Variants in NANP observed in about 807,000 individuals in gnomAD.
NANP encodes N-acylneuraminate-9-phosphatase.
NANP carries 15 observed loss-of-function variants against 16.9 expected under a neutral mutation model. That is an observed-to-expected ratio of 0.89 (90% CI 0.59 to 1.37). NANP has a LOEUF of 1.37. Ranked by LOEUF, NANP falls within the 40% of genes most tolerant of loss-of-function variation. The probability of loss-of-function intolerance (pLI) is 0.00; values close to 1 mark genes in which losing one functional copy is unlikely to be tolerated. For missense variants in NANP, 290 were observed against 303.5 expected (o/e 0.96, Z 0.33); for synonymous variants, 135 against 112.6 (o/e 1.20, Z -1.26).
intron 1 of NANP, among the ~76,000 whole-genome samples, chr20:25,622,076 A>C (rs1436262448): frequency 1.3e-5 from 2 of 152,262 alleles, no homozygotes; most frequent in Non-Finnish European, 2.9e-5. Context: ...AGATGCATTA[A>C]GAAATATCTG....
Position 25,613,342 on chromosome 20 carries a change from G to A in NANP, c.*2583C>T, listed in dbSNP as rs1404936316. On this transcript the variant is annotated 3_prime_UTR_variant, in exon 2 of 2. Transcript: ENST00000304788. ...GGGTCCTGGGCACTCCCAGATCTGA[G>A]ATGTTCGTGCCTTGTATGTGGAGGT... is the stretch of plus-strand genomic sequence containing the variant. 1 of 152,526 alleles carries A rather than the reference G, an allele frequency of 6.6e-6. No homozygotes were observed. The highest frequency in any genetic ancestry group is 2.4e-5 in the African/African-American group (1 of 41,462). 9.4% of individuals were successfully genotyped at this position (152,526 alleles called of 1,614,324 possible).
chr20:25,623,882 C>A lies in NANP; in HGVS notation c.67G>T (p.Ala23Ser). 1 of 1,613,622 alleles carries A rather than the reference C, an allele frequency of 6.2e-7. No individual in the cohort carries two copies. The highest frequency in any genetic ancestry group is 8.5e-7 in the Non-Finnish European group (1 of 1,179,800). The change falls in exon 1 of 2, where the codon GCG becomes TCG. Residue 23 changes from alanine (A) to serine (S), a missense_variant. Ala to Ser is a moderately conservative substitution (Grantham distance 99). Coordinates refer to ENST00000304788, the MANE Select transcript of NANP (RefSeq NM_152667.3). Reference sequence around the variant, plus strand: ...ACCTCCAACATGCCTCTCCTGCTCGCCCCGGCCGTGTCGATGAGAGTGTTG... The same window carrying A: ...ACCTCCAACATGCCTCTCCTGCTCGACCCGGCCGTGTCGATGAGAGTGTTG... The part of the protein sequence containing the change: ...LDNTLIDTAG[A>S]SRRGMLEVIK...
chr20:25,613,137 T>C lies in NANP; in HGVS notation c.*2788A>G, dbSNP rs148569433. The C allele has an allele frequency of 6.6e-6, 1 of 151,790 alleles. No individual in the cohort carries two copies. Among genetic ancestry groups the C allele is most frequent in the African/African-American group, 2.4e-5 (1 of 41,372 alleles). 9.4% of individuals were successfully genotyped at this position (151,790 alleles called of 1,614,324 possible). On this transcript the variant is annotated 3_prime_UTR_variant, in exon 2 of 2. Coordinates refer to ENST00000304788, the MANE Select transcript of NANP (RefSeq NM_152667.3). ...TACTATAAAATGTTATATTTATATT[T>C]ATTTATATACATGTGTTATATTTAT...
rs1198018930 is a variant in NANP, at chr20:25,616,013, G to T, written c.659C>A (p.Ser220Tyr). The change falls in exon 2 of 2, where the codon TCC (serine) becomes TAC (tyrosine). Residue 220 changes from serine (S) to tyrosine (Y), a missense_variant. Ser to Tyr is a moderately radical substitution (Grantham distance 144, BLOSUM62 -2). Transcript: ENST00000304788. ...AGAAACCATGTAATGCGGAACTGGG[G>T]AGGACTTCAGTGGCACTATTCCATT... ...NKNGIVPLKS[S>Y]PVPHYMVSSV... The T allele has an allele frequency of 6.2e-7, 1 of 1,614,178 alleles. No homozygotes were observed. The highest frequency in any genetic ancestry group is 2.2e-5 in the East Asian group (1 of 44,894).
rs564436712 is a variant in NANP, at chr20:25,623,638, G to A, written c.90+221C>T. Among the ~76,000 whole-genome samples the A allele has an allele frequency of 3.1e-4, 47 of 152,308 alleles. No individual in the cohort carries two copies. In the South Asian group the frequency reaches 7.2e-3, roughly 23 times the overall value. The stretch of plus-strand genomic sequence containing the variant: ...AGGCACCTGCGAGCAGCCGCTCCAG[G>A]GCTCGAGATTGGGTGACAAGCGGCC... On this transcript the variant is annotated intron_variant, in intron 1 of 1. Transcript: ENST00000304788.
At chr20:25,619,770 C>T (rs1893491531) in intron 1 of NANP, among the ~76,000 whole-genome samples, 1 of 152,170 alleles carries the variant, frequency 6.6e-6, no homozygotes, top group South Asian at 2.1e-4. Context: ...CTCTAGGACT[C>T]CACAGAGCTT....
In NANP at chr20:25,623,958, C is replaced by A. The variant is rs756643403; in HGVS notation, c.-10G>T. The A allele has an allele frequency of 1.3e-5, 21 of 1,611,536 alleles. No homozygotes were observed. The highest frequency in any genetic ancestry group is 4.5e-5 in the East Asian group (2 of 44,812). On this transcript the variant is annotated 5_prime_UTR_variant, in exon 1 of 2. Transcript: ENST00000304788. The stretch of plus-strand genomic sequence containing the variant: ...CGCGGCTCAGCCCCATAGCGCCGGC[C>A]GCTGGCGCGAACCGTAGCCTTGCCA...
Position 25,614,055 on chromosome 20 carries a change from T to C in NANP, c.*1870A>G, listed in dbSNP as rs1568987356. On this transcript the variant is annotated 3_prime_UTR_variant, in exon 2 of 2. Transcript: ENST00000304788. ...CATTTGAAACTACAAACATCCTCTGTTCACAAATGTTCACTGTTATAGCAA... is the reference window on the plus strand; with the variant it reads ...CATTTGAAACTACAAACATCCTCTGCTCACAAATGTTCACTGTTATAGCAA... 2.6e-6 allele frequency: 1 copy of C among 386,454 alleles called. No homozygotes were observed. Among genetic ancestry groups the C allele is most frequent in the Non-Finnish European group, 4.6e-6 (1 of 218,810 alleles). The allele number at this position is 386,454 out of a possible 1,614,324, so 23.9% of individuals were successfully genotyped here.
At chr20:25,622,288 GGACA>G (rs1160772938) in intron 1 of NANP, among the ~76,000 whole-genome samples, 1 of 152,222 alleles carries the variant, frequency 6.6e-6, no homozygotes, top group East Asian at 1.9e-4. Context: ...GTGCAGTGGT[GGACA>G]GACAGCGTAC....
rs1415471238 is a variant in NANP, at chr20:25,614,323, A to G, written c.*1602T>C. On this transcript the variant is annotated 3_prime_UTR_variant, in exon 2 of 2. Coordinates refer to ENST00000304788, the MANE Select transcript of NANP (RefSeq NM_152667.3). ...TACTATTTTACATTAGTAGTTTCTT[A>G]TATAACAGTTGGAAGAAAAACATAT... 3.9e-5 allele frequency: 6 copies of G among 152,742 alleles called. No individual in the cohort carries two copies. The highest frequency in any genetic ancestry group is 1.4e-4 in the African/African-American group (6 of 41,492). The allele number at this position is 152,742 out of a possible 1,614,324, so 9.5% of individuals were successfully genotyped here.
chr20:25,623,183 G>A (rs1187170301), intron 1 of NANP, among the ~76,000 whole-genome samples: 7 of 152,204 alleles, frequency 4.6e-5, no homozygotes, highest in Non-Finnish European at 1.5e-5. Flanking sequence ...TGGAACACGG[G>A]AAGGTCTGAA....
Position 25,623,983 on chromosome 20 carries a change from A to G in NANP, c.-35T>C. On this transcript the variant is annotated 5_prime_UTR_variant, in exon 1 of 2. Transcript: ENST00000304788. ...CGCTGGCGCGAACCGTAGCCTTGCCACCGCCGCCTGCGCATGCGCAAGGCG... is the reference window on the plus strand; with the variant it reads ...CGCTGGCGCGAACCGTAGCCTTGCCGCCGCCGCCTGCGCATGCGCAAGGCG... 1.2e-6 allele frequency: 2 copies of G among 1,602,148 alleles called. No individual in the cohort carries two copies. The highest frequency in any genetic ancestry group is 1.1e-5 in the South Asian group (1 of 90,284).
At position 25,616,524 on chromosome 20, in the gene NANP, C is replaced by T. The variant is rs1290890551; in HGVS notation, c.148G>A (p.Asp50Asn). The T allele has an allele frequency of 6.2e-7, 1 of 1,611,798 alleles. No individual in the cohort carries two copies. Among genetic ancestry groups the T allele is most frequent in the Non-Finnish European group, 8.5e-7 (1 of 1,179,130 alleles). The change falls in exon 2 of 2, where the codon GAT becomes AAT. Residue 50 changes from aspartate (D) to asparagine (N), a missense_variant. Asp to Asn is a conservative substitution (Grantham distance 23, BLOSUM62 1). Transcript: ENST00000304788. ...HYKEEAEIIC[D>N]KVQVKLSKEC... ...TTGCTGAGTTTAACTTGAACTTTAT[C>T]ACAGATGATTTCAGCCTCTTCTTTA...
At chr20:25,619,173 G>T (rs1031757728) in intron 1 of NANP, among the ~76,000 whole-genome samples, 1 of 147,766 alleles carries the variant, frequency 6.8e-6, no homozygotes, top group Non-Finnish European at 1.5e-5. Flanking sequence ...TACTCAGGCT[G>T]GATGGAGTGC....
In NANP at chr20:25,614,841, T is replaced by C. The variant is rs6050707; in HGVS notation, c.*1084A>G. ...CATCTCTACAAAAACACACATTAGC[T>C]GGGCGTGGTAGTGTGTACTTGTAGT... On this transcript the variant is annotated 3_prime_UTR_variant, in exon 2 of 2. Coordinates refer to ENST00000304788, the MANE Select transcript of NANP (RefSeq NM_152667.3). 0.16 allele frequency: 24,756 copies of C among 151,614 alleles called. 4,516 individuals are homozygous for C. Among genetic ancestry groups the C allele is most frequent in the African/African-American group, 0.45 (18,751 of 41,238 alleles). The allele number at this position is 151,614 out of a possible 1,614,324, so 9.4% of individuals were successfully genotyped here. A position where few individuals can be genotyped will look rare whatever the true frequency, so the allele number is the denominator to read the frequency against.
Position 25,616,047 on chromosome 20 carries a change from T to G in NANP, c.625A>C (p.Ile209Leu). The change falls in exon 2 of 2, where the codon ATC (isoleucine) becomes CTC (leucine). Residue 209 changes from isoleucine to leucine, a missense_variant. Ile to Leu is a conservative substitution (Grantham distance 5). Transcript: ENST00000304788. ...LNAGLKATVWINKNGIVPLKS... is the reference protein window; with the variant it reads ...LNAGLKATVWLNKNGIVPLKS... ...AGTGGCACTATTCCATTTTTATTGA[T>G]CCAGACTGTTGCTTTCAATCCTGCA... 6.2e-7 allele frequency: 1 copy of G among 1,614,190 alleles called. No homozygotes were observed. Among genetic ancestry groups the G allele is most frequent in the Non-Finnish European group, 8.5e-7 (1 of 1,180,026 alleles).
At chr20:25,620,896 A>G (rs896448083) in intron 1 of NANP, among the ~76,000 whole-genome samples, 1 of 151,770 alleles carries the variant, frequency 6.6e-6, no homozygotes, top group Non-Finnish European at 1.5e-5. Flanking sequence ...TGAAAATGCT[A>G]TATAAACTGC....
rs774196147 is a variant in NANP, at chr20:25,623,892, G to A, written c.57C>T (p.Asp19=). The change falls in exon 1 of 2, where the codon GAC becomes GAT. Residue 19 remains aspartate, a synonymous_variant. Coordinates refer to ENST00000304788, the MANE Select transcript of NANP (RefSeq NM_152667.3). ...VFFDLDNTLI[D]TAGASRRGML... ...TGCCTCTCCTGCTCGCCCCGGCCGTGTCGATGAGAGTGTTGTCCAAGTCAA... is the reference window on the plus strand; with the variant it reads ...TGCCTCTCCTGCTCGCCCCGGCCGTATCGATGAGAGTGTTGTCCAAGTCAA... 2 of 1,613,604 alleles carry A rather than the reference G, an allele frequency of 1.2e-6. No individual in the cohort carries two copies. Among genetic ancestry groups the A allele is most frequent in the South Asian group, 2.2e-5 (2 of 91,068 alleles).
intron 1 of NANP, among the ~76,000 whole-genome samples, chr20:25,618,836 C>T (rs2065353737): frequency 6.6e-6 from 1 of 152,126 alleles, no homozygotes; most frequent in African/African-American, 2.4e-5. Flanking sequence ...TGGACTCCTT[C>T]CCCTTCTTGT....
Sources: gnomAD v4.1 joint callset for allele counts (sites outside exome capture counted in the v4.1 genomes callset) on GRCh38, gnomAD v4.1.1 for gene constraint, MANE v1.5 for transcripts, NCBI Gene and HGNC (gene_info 2026-07-23, HGNC 2026-07-21) for gene names.